Variants in RANBP2 observed in about 807,000 individuals in gnomAD.
RANBP2 encodes the protein RAN binding protein 2, also known as E3 SUMO-protein ligase RanBP2.
A neutral mutation model predicts 303.6 loss-of-function variants in RANBP2; 57 were observed. The ratio of observed to expected loss-of-function variants is 0.19; its 90% CI spans 0.15 to 0.23. The LOEUF is 0.23. Among genes scored for constraint, RANBP2 ranks in the 10% least tolerant of loss-of-function variants. RANBP2 has a pLI of 1.00. For synonymous variants in RANBP2, 1,167 were observed against 1,301.5 expected (o/e 0.90, Z 2.23); for missense variants, 3,138 against 3,780.8 (o/e 0.83, Z 4.46).
chr2:109,687,519 C>T, the RANBP2 span, among the ~76,000 whole-genome samples: 1 of 152,122 alleles, frequency 6.6e-6, no homozygotes, highest in Admixed American at 6.6e-5. Context: ...CAATCTCGCA[C>T]CACAAGTTCA....
the RANBP2 span, among the ~76,000 whole-genome samples, chr2:108,800,732 T>C: frequency 9.0e-6 from 1 of 110,894 alleles, no homozygotes; most frequent in African/African-American, 3.5e-5. Flanking sequence ...ACCCACTAAC[T>C]CATCATCTAG....
At chr2:109,452,738 G>A in the RANBP2 span, among the ~76,000 whole-genome samples, 43 of 152,124 alleles carry the variant, frequency 2.8e-4, no homozygotes, top group Non-Finnish European at 5.1e-4. Flanking sequence ...GTGCCAGGAG[G>A]CTTGTCCCCA....
intron 18 of RANBP2, among the ~76,000 whole-genome samples, chr2:108,760,648 T>C (rs1370693899): frequency 6.6e-6 from 1 of 152,192 alleles, no homozygotes; most frequent in African/African-American, 2.4e-5. Context: ...TTTAAGTTTT[T>C]TTAATACTAG....
the RANBP2 span, among the ~76,000 whole-genome samples, chr2:109,288,066 C>A: frequency 2.0e-5 from 3 of 152,222 alleles, no homozygotes; most frequent in Non-Finnish European, 4.4e-5. Flanking sequence ...TGTCACATCA[C>A]TAGCCTTAAT....
At chr2:109,204,281 A>G in the RANBP2 span, among the ~76,000 whole-genome samples, 1 of 152,264 alleles carries the variant, frequency 6.6e-6, no homozygotes, top group African/African-American at 2.4e-5. Context: ...ATTCCTAGAT[A>G]ATTTAGCAGA....
chr2:108,829,920 A>T, the RANBP2 span, among the ~76,000 whole-genome samples: 1 of 152,188 alleles, frequency 6.6e-6, no homozygotes, highest in Non-Finnish European at 1.5e-5. Flanking sequence ...TTACTTCTGG[A>T]TATATATTCA....
At chr2:108,795,837 A>C in the RANBP2 span, among the ~76,000 whole-genome samples, 2 of 152,206 alleles carry the variant, frequency 1.3e-5, no homozygotes, top group South Asian at 4.1e-4. Context: ...ATGAAAACTC[A>C]GGCTGGGTAT....
chr2:108,974,436 T>C, the RANBP2 span, among the ~76,000 whole-genome samples: 2 of 147,608 alleles, frequency 1.4e-5, no homozygotes, highest in African/African-American at 5.0e-5. Context: ...GATTACACCA[T>C]GAAAAGTAGA....
At chr2:108,997,136 C>T in the RANBP2 span, among the ~76,000 whole-genome samples, 1 of 152,146 alleles carries the variant, frequency 6.6e-6, no homozygotes, top group Admixed American at 6.5e-5. Flanking sequence ...GCCAGTGGGT[C>T]TGAAGCATAA....
chr2:109,012,713 G>T, the RANBP2 span, among the ~76,000 whole-genome samples: 1 of 152,174 alleles, frequency 6.6e-6, no homozygotes, highest in East Asian at 1.9e-4. Context: ...AGGAGATCGA[G>T]ACCATCCTGG....
At chr2:109,204,235 A>C in the RANBP2 span, among the ~76,000 whole-genome samples, 3 of 152,142 alleles carry the variant, frequency 2.0e-5, no homozygotes, top group East Asian at 5.8e-4. Context: ...TCTTGGGTGA[A>C]CCATGAAACT....
At chr2:108,909,752 G>C in the RANBP2 span, among the ~76,000 whole-genome samples, 1 of 152,216 alleles carries the variant, frequency 6.6e-6, no homozygotes, top group Non-Finnish European at 1.5e-5. Context: ...CTCGATTTTA[G>C]AGCAGGGGCT....
chr2:109,430,964 G>C, the RANBP2 span, among the ~76,000 whole-genome samples: 1 of 152,220 alleles, frequency 6.6e-6, no homozygotes, highest in African/African-American at 2.4e-5. Flanking sequence ...TGAGGGCAGA[G>C]GGCCTTGCTA....
chr2:109,163,577 T>C, the RANBP2 span, among the ~76,000 whole-genome samples: 1 of 151,240 alleles, frequency 6.6e-6, no homozygotes, highest in Non-Finnish European at 1.5e-5. Flanking sequence ...TTTTTTGTAT[T>C]TTTAGTAGAG....
At chr2:109,158,552 G>T in the RANBP2 span, among the ~76,000 whole-genome samples, 1 of 152,298 alleles carries the variant, frequency 6.6e-6, no homozygotes, top group East Asian at 1.9e-4. Flanking sequence ...AGGCGCTCAG[G>T]GCTGTCTGAC....
At chr2:109,465,605 A>G in the RANBP2 span, among the ~76,000 whole-genome samples, 1 of 152,252 alleles carries the variant, frequency 6.6e-6, no homozygotes, top group Non-Finnish European at 1.5e-5. Flanking sequence ...TTGCACTGCT[A>G]TAAAGAAATA....
the RANBP2 span, among the ~76,000 whole-genome samples, chr2:108,863,346 T>TA: frequency 6.6e-6 from 1 of 152,180 alleles, no homozygotes; most frequent in African/African-American, 2.4e-5. Flanking sequence ...CTTTAGGAAA[T>TA]ACAATGGGAA....
At chr2:109,602,210 T>C in the RANBP2 span, among the ~76,000 whole-genome samples, 6 of 151,960 alleles carry the variant, frequency 3.9e-5, no homozygotes, top group Non-Finnish European at 8.8e-5. Flanking sequence ...TTTATGACTA[T>C]AACTTGGAAC....
the RANBP2 span, chr2:108,912,778 A>G: frequency 1.3e-6 from 2 of 1,574,458 alleles, no homozygotes; most frequent in Non-Finnish European, 1.7e-6. Flanking sequence ...CAAGGAAAAT[A>G]GAGTCCCTCA....
Sources: gnomAD v4.1 joint callset for allele counts (sites outside exome capture counted in the v4.1 genomes callset) on GRCh38, gnomAD v4.1.1 for gene constraint, MANE v1.5 for transcripts, NCBI Gene and HGNC (gene_info 2026-07-23, HGNC 2026-07-21) for gene names.